Variants in MTOR observed in about 807,000 individuals in gnomAD.
MTOR encodes the protein serine/threonine-protein kinase mTOR.
MTOR carries 70 observed loss-of-function variants against 319.8 expected under a neutral mutation model. The ratio of observed to expected loss-of-function variants is 0.22; its 90% CI spans 0.18 to 0.27. MTOR has a LOEUF of 0.27. MTOR is among the 10% of genes least tolerant of loss of function. The pLI, the probability that MTOR is intolerant of heterozygous loss-of-function variation, is 1.00. For synonymous variants in MTOR, 1,183 were observed against 1,211.4 expected (o/e 0.98, Z 0.49); for missense variants, 1,890 against 3,274.4 (o/e 0.58, Z 10.32).
intron 6 of MTOR, among the ~76,000 whole-genome samples, chr1:11,249,495 A>G (rs1649310008): frequency 6.7e-6 from 1 of 149,026 alleles, no homozygotes; most frequent in South Asian, 2.2e-4. Flanking sequence ...ATGGGACAAT[A>G]GTGGAGGGAA....
At chr1:11,261,337 TG>T (rs1651102628) in intron 1 of MTOR, among the ~76,000 whole-genome samples, 1 of 147,648 alleles carries the variant, frequency 6.8e-6, no homozygotes, top group South Asian at 2.1e-4. Context: ...AGCCGTATGG[TG>T]GCGGGCGCCT....
At chr1:11,186,315 T>C (rs142878879) in intron 28 of MTOR, among the ~76,000 whole-genome samples, 87 of 152,212 alleles carry the variant, frequency 5.7e-4, no homozygotes, top group African/African-American at 2.0e-3. Context: ...CCTCTCTGGA[T>C]AGAAGGAGAG....
intron 8 of MTOR, among the ~76,000 whole-genome samples, chr1:11,245,803 G>A (rs1482962738): frequency 1.3e-5 from 2 of 152,234 alleles, no homozygotes; most frequent in Non-Finnish European, 2.9e-5. Flanking sequence ...CTACCTACTT[G>A]GGAGGCTGAG....
chr1:11,134,206 G>A, intron 37 of MTOR, 145 bp downstream of exon 37: 1 of 677,230 alleles, frequency 1.5e-6, no homozygotes, highest in South Asian at 1.8e-5. Flanking sequence ...GTATGCTTTG[G>A]TGGTTGCCTG....
At chr1:11,194,382 T>C in intron 28 of MTOR, 5 of 1,342,952 alleles carry the variant, frequency 3.7e-6, no homozygotes, top group Non-Finnish European at 5.3e-6. Flanking sequence ...GCTATGGGAC[T>C]GTCAGGAGAG....
In MTOR at chr1:11,210,836, ACAT is replaced by A; in HGVS notation, c.3629_3631del (p.Asp1210del). On this transcript the variant is annotated inframe_deletion, in exon 24 of 58. Coordinates refer to ENST00000361445, the MANE Select transcript of MTOR (RefSeq NM_004958.4). ...CACCTTGACAATTCTGCAGATGAGCACATCATAGCGCTGATGATTGATTCGGTG... is the reference window on the plus strand; with the variant it reads ...CACCTTGACAATTCTGCAGATGAGCACATAGCGCTGATGATTGATTCGGTG... 6.2e-7 allele frequency: 1 copy of A among 1,612,482 alleles called. No individual in the cohort carries two copies. Among genetic ancestry groups the A allele is most frequent in the East Asian group, 2.2e-5 (1 of 44,854 alleles).
At chr1:11,238,184 T>C (rs766942163) in intron 12 of MTOR, 136 bp from the exon 13 acceptor site, 14 of 962,976 alleles carry the variant, frequency 1.5e-5, no homozygotes, top group Non-Finnish European at 2.2e-5. Flanking sequence ...TGTCATTCTT[T>C]TCTCTACTCA....
In MTOR at chr1:11,166,868, G is replaced by A. The variant is rs1280504225; in HGVS notation, c.4329+574C>T. On this transcript the variant is annotated intron_variant, in intron 29 of 57. Transcript: ENST00000361445. ...CCCAAATGTCCATCAATGATAGACT[G>A]GATTAAGAAAATGTGGCACATATAC... Among the ~76,000 whole-genome samples the A allele has an allele frequency of 3.3e-5, 5 of 152,114 alleles. No homozygotes were observed. In the East Asian group the frequency reaches 9.6e-4, roughly 29 times the overall value.
intron 10 of MTOR, among the ~76,000 whole-genome samples, chr1:11,241,299 C>T (rs1290847904): frequency 2.2e-5 from 3 of 134,924 alleles, no homozygotes; most frequent in African/African-American, 2.9e-5. Flanking sequence ...CCAGCCTGGG[C>T]GACAGAGCGA....
chr1:11,226,685 G>C (rs1646848771), intron 19 of MTOR, among the ~76,000 whole-genome samples: 1 of 151,754 alleles, frequency 6.6e-6, no homozygotes, highest in African/African-American at 2.4e-5. Context: ...GAGGTGGGAG[G>C]ATTATTTGAG....
chr1:11,172,781 A>T (rs1434030181), intron 28 of MTOR, among the ~76,000 whole-genome samples: 2 of 150,320 alleles, frequency 1.3e-5, no homozygotes, highest in Non-Finnish European at 3.0e-5. Flanking sequence ...AGGCAGGAGG[A>T]TCACTTGAAC....
chr1:11,185,751 C>T (rs1307517249), intron 28 of MTOR, among the ~76,000 whole-genome samples: 2 of 152,112 alleles, frequency 1.3e-5, no homozygotes, highest in East Asian at 1.9e-4. Context: ...TGGACTTGGA[C>T]TTTCAGTTGA....
chr1:11,255,883 C>CA, intron 5 of MTOR, 109 bp downstream of exon 5: 1 of 1,017,404 alleles, frequency 9.8e-7, no homozygotes, highest in Non-Finnish European at 1.4e-6. Context: ...GAGAGCAAAC[C>CA]AAAACGTGAT....
At chr1:11,181,343 C>G (rs1645139701) in intron 28 of MTOR, among the ~76,000 whole-genome samples, 1 of 151,934 alleles carries the variant, frequency 6.6e-6, no homozygotes, top group Non-Finnish European at 1.5e-5. Flanking sequence ...AATAAGGAAG[C>G]TACCTCAAGT....
chr1:11,125,493 G>A (rs932322140), intron 46 of MTOR, among the ~76,000 whole-genome samples: 2 of 152,108 alleles, frequency 1.3e-5, no homozygotes, highest in Non-Finnish European at 2.9e-5. Flanking sequence ...CATTGTGGGA[G>A]GCCAAGCTGG....
rs776875131 is a variant in MTOR at position 11,109,683 on chromosome 1, C to T, written c.7413G>A (p.Thr2471=). The T allele has an allele frequency of 5.0e-6, 8 of 1,613,928 alleles. No homozygotes were observed. The highest frequency in any genetic ancestry group is 2.2e-5 in the East Asian group (1 of 44,876). Residue 2471 remains threonine, a synonymous_variant, in exon 55 of 58, where the codon ACG becomes ACA. Transcript: ENST00000361445. This position sits in a 1 kb window ranked among gnomAD's most constrained non-coding sequence, Gnocchi z 4.0. ...GAATAGATTCTGGCACTGTGGTCCC[C>T]GTTTTCTTATGGGCTGGCTCTCCAA... ...VELGEPAHKK[T]GTTVPESIHS...
chr1:11,189,971 C>T (rs1040488726), intron 28 of MTOR: 1 of 1,590,748 alleles, frequency 6.3e-7, no homozygotes, highest in African/African-American at 1.3e-5. Flanking sequence ...GAGACCAGTC[C>T]CCTGAGGGAG....
chr1:11,224,667 G>C (rs188324970), intron 19 of MTOR, among the ~76,000 whole-genome samples: 164 of 152,114 alleles, frequency 1.1e-3, no homozygotes, highest in Admixed American at 1.9e-3. Flanking sequence ...TCAACCACTA[G>C]ACCATTAAAG....
In MTOR at chr1:11,145,153, G is replaced by A. The variant is rs537046313; in HGVS notation, c.4687-108C>T. The stretch of plus-strand genomic sequence containing the variant: ...GTTATCTGTCTCACTTAAATTCCAG[G>A]GATGAAAAGAGAAATTCGCTGAAGA... On this transcript the variant is annotated intron_variant, in intron 32 of 57. Coordinates refer to ENST00000361445, the MANE Select transcript of MTOR (RefSeq NM_004958.4). 22 of 954,240 alleles carry A rather than the reference G, an allele frequency of 2.3e-5. No homozygotes were observed. The South Asian group carries it at 3.2e-4, about 14-fold the overall frequency. The allele number at this position is 954,240 out of a possible 1,614,324, so 59.1% of individuals were successfully genotyped here.
Sources: gnomAD v4.1 joint callset for allele counts (sites outside exome capture counted in the v4.1 genomes callset) on GRCh38, gnomAD v4.1.1 for gene constraint, Gnocchi (gnomAD v3.1) non-coding constraint, MANE v1.5 for transcripts, NCBI Gene and HGNC (gene_info 2026-07-23, HGNC 2026-07-21) for gene names.